Variants in GGPS1 observed in about 807,000 individuals in gnomAD.
The protein encoded by GGPS1 is geranylgeranyl diphosphate synthase 1, also known as geranylgeranyl pyrophosphate synthase.
GGPS1 carries 15 observed loss-of-function variants against 28.1 expected under a neutral mutation model. The observed-to-expected ratio is 0.53, with a 90% CI of 0.36 to 0.82. The LOEUF (loss-of-function observed/expected upper bound fraction) is 0.82. Ranked by LOEUF, GGPS1 falls within the 40% of genes least tolerant of loss-of-function variation. The pLI is 0.01. For missense variants in GGPS1, 284 were observed against 348.3 expected (o/e 0.82, Z 1.47); for synonymous variants, 138 against 122.4 (o/e 1.13, Z -0.84).
In GGPS1 at chr1:235,342,039, A is replaced by G. The variant is rs897943367; in HGVS notation, c.170A>G (p.His57Arg). The change falls in exon 4 of 4, where the codon CAT (histidine) becomes CGT (arginine). Residue 57 changes from histidine to arginine, a missense_variant. His to Arg is a conservative substitution (Grantham distance 29, BLOSUM62 0). Coordinates refer to ENST00000282841, the MANE Select transcript of GGPS1 (RefSeq NM_004837.4). ...QIIIEVTEML[H>R]NASLLIDDIE... ...ATTATTGAAGTGACAGAAATGTTGCATAATGCCAGTTTACTCATCGATGAT... is the reference window on the plus strand; with the variant it reads ...ATTATTGAAGTGACAGAAATGTTGCGTAATGCCAGTTTACTCATCGATGAT... 6.3e-7 allele frequency: 1 copy of G among 1,596,138 alleles called. No individual in the cohort carries two copies. Among genetic ancestry groups the G allele is most frequent in the Non-Finnish European group, 8.5e-7 (1 of 1,171,070 alleles).
intron 2 of GGPS1, 148 bp downstream of exon 2, chr1:235,335,482 A>G (rs1675836924): frequency 2.0e-6 from 1 of 506,576 alleles, no homozygotes; most frequent in Non-Finnish European, 3.5e-6. Context: ...ATAGAACATT[A>G]TAATTTTTTC....
At chr1:235,336,473 C>T (rs1675868492) in intron 2 of GGPS1, among the ~76,000 whole-genome samples, 2 of 152,012 alleles carry the variant, frequency 1.3e-5, no homozygotes, top group Admixed American at 6.5e-5. Context: ...AATAAAAAAT[C>T]ATTTGTATTA....
At chr1:235,336,671 A>G (rs559230194) in intron 2 of GGPS1, 1 of 152,338 alleles carries the variant, frequency 6.6e-6, no homozygotes, top group Admixed American at 6.5e-5. Flanking sequence ...AAAAGTTGGT[A>G]AATTATTTGA....
At chr1:235,337,405 G>A (rs139730129) in intron 2 of GGPS1, among the ~76,000 whole-genome samples, 436 of 151,984 alleles carry the variant, frequency 2.9e-3, no homozygotes, top group African/African-American at 8.8e-3. Flanking sequence ...ATTATCACTA[G>A]GTACCTCACC....
Position 235,342,694 on chromosome 1 carries a change from T to A in GGPS1, c.825T>A (p.Ile275=), listed in dbSNP as rs1280448247. Residue 275 remains isoleucine, a synonymous_variant, in exon 4 of 4, where the codon ATT becomes ATA. Transcript: ENST00000282841. ...KELEAKAYKQ[I]DARGGNPELV... is the part of the protein sequence containing the mutation. ...TTGAAGCTAAAGCCTATAAACAGAT[T>A]GATGCACGTGGTGGGAACCCTGAGC... The A allele has an allele frequency of 2.5e-6, 4 of 1,608,888 alleles. No individual in the cohort carries two copies. Among genetic ancestry groups the A allele is most frequent in the Non-Finnish European group, 3.4e-6 (4 of 1,176,042 alleles).
chr1:235,341,917 A>C (rs1302467442), intron 3 of GGPS1, 94 bp from the exon 4 acceptor site: 2 of 928,664 alleles, frequency 2.2e-6, no homozygotes, highest in Admixed American at 2.7e-5. Context: ...ATTAGTTGTG[A>C]AAATTAACAC....
chr1:235,341,798 T>C lies in GGPS1; in HGVS notation c.141+20T>C, dbSNP rs144045699. On this transcript the variant is annotated intron_variant, in intron 3 of 3. Transcript: ENST00000282841. ...CTACAGGTATTAGGCAACTCTAACC[T>C]CATTAATCCCCAAGAAATTAATAGC... The C allele has an allele frequency of 8.0e-6, 11 of 1,379,104 alleles. No homozygotes were observed. The East Asian group carries it at 2.3e-4, about 29-fold the overall frequency. The allele number at this position is 1,379,104 out of a possible 1,614,324, so 85.4% of individuals were successfully genotyped here.
intron 1 of GGPS1, among the ~76,000 whole-genome samples, chr1:235,333,769 T>A (rs1675788190): frequency 6.6e-6 from 1 of 152,200 alleles, no homozygotes; most frequent in Non-Finnish European, 1.5e-5. Flanking sequence ...TGAACAGCCC[T>A]AACCACAAAC....
At chr1:235,339,761 CAAAA>C (rs34043751) in intron 2 of GGPS1, among the ~76,000 whole-genome samples, 5 of 130,668 alleles carry the variant, frequency 3.8e-5, no homozygotes, top group Non-Finnish European at 8.1e-5. Context: ...ATTCCATCTC[CAAAA>C]AAAAAAAAAG....
At chr1:235,331,105 G>A (rs1675701090) in intron 1 of GGPS1, among the ~76,000 whole-genome samples, 1 of 152,076 alleles carries the variant, frequency 6.6e-6, no homozygotes, top group African/African-American at 2.4e-5. Context: ...TAACTAAATA[G>A]GTTTTTGCCT....
rs141445197 is a variant in GGPS1, at chr1:235,335,357, T to C, written c.70+23T>C. On this transcript the variant is annotated intron_variant, in intron 2 of 3. Coordinates refer to ENST00000282841, the MANE Select transcript of GGPS1 (RefSeq NM_004837.4). ...CAGGTAATACTTCACTTACAGTCCA[T>C]ATAGGGTCATTTTCATGCAGTAGTG... The C allele has an allele frequency of 1.9e-4, 208 of 1,101,308 alleles. No homozygotes were observed. The East Asian group carries it at 4.7e-3, about 25-fold the overall frequency. The allele number at this position is 1,101,308 out of a possible 1,614,324, so 68.2% of individuals were successfully genotyped here.
intron 2 of GGPS1, among the ~76,000 whole-genome samples, chr1:235,338,514 A>G (rs1020569124): frequency 6.6e-6 from 1 of 152,214 alleles, no homozygotes; most frequent in Non-Finnish European, 1.5e-5. Context: ...TATAACATTC[A>G]AAAGTAAAAT....
rs1676128067 is a variant in GGPS1 at position 235,343,781 on chromosome 1, G to A, written c.*1009G>A. The A allele has an allele frequency of 6.0e-6, 1 of 166,894 alleles. No individual in the cohort carries two copies. Among genetic ancestry groups the A allele is most frequent in the South Asian group, 2.1e-4 (1 of 4,824 alleles). 10.3% of individuals were successfully genotyped at this position (166,894 alleles called of 1,614,324 possible). On this transcript the variant is annotated 3_prime_UTR_variant, in exon 4 of 4. Coordinates refer to ENST00000282841, the MANE Select transcript of GGPS1 (RefSeq NM_004837.4). ...CCTTTCCAATTGGGAAGCGGAAAAA[G>A]AGAGTATGGGATATTTTAGAAGGGA...
In GGPS1 at chr1:235,342,599, A is replaced by G; in HGVS notation, c.730A>G (p.Lys244Glu). The G allele has an allele frequency of 1.9e-6, 3 of 1,611,708 alleles. No individual in the cohort carries two copies. The highest frequency in any genetic ancestry group is 2.5e-6 in the Non-Finnish European group (3 of 1,177,786). ...CCAGAGAACAGAAAACATAGATATA[A>G]AAAAATACTGTGTACATTATCTTGA... The part of the protein sequence containing the change: ...LRQRTENIDI[K>E]KYCVHYLEDV... The change falls in exon 4 of 4, where the codon AAA becomes GAA. Residue 244 changes from lysine to glutamate, a missense_variant. By Grantham distance (56) the Lys-to-Glu change is moderately conservative. Transcript: ENST00000282841.
intron 1 of GGPS1, among the ~76,000 whole-genome samples, chr1:235,332,457 C>T (rs1483032479): frequency 8.5e-5 from 13 of 152,162 alleles, no homozygotes; most frequent in Admixed American, 8.5e-4. Flanking sequence ...TTTCTTTATT[C>T]AGTCATCTGC....
At chr1:235,341,063 C>G (rs1209036940) in intron 2 of GGPS1, among the ~76,000 whole-genome samples, 1 of 152,162 alleles carries the variant, frequency 6.6e-6, no homozygotes, top group Non-Finnish European at 1.5e-5. Context: ...GGCGCAGTGG[C>G]TCACGCCTGT....
At chr1:235,335,823 T>C (rs1205629270) in intron 2 of GGPS1, among the ~76,000 whole-genome samples, 1 of 152,234 alleles carries the variant, frequency 6.6e-6, no homozygotes, top group Non-Finnish European at 1.5e-5. Flanking sequence ...ACTGTTTAGA[T>C]ATTAGGGGAA....
intron 1 of GGPS1, among the ~76,000 whole-genome samples, chr1:235,333,550 C>T (rs570839418): frequency 2.0e-4 from 30 of 146,706 alleles, no homozygotes; most frequent in South Asian, 1.1e-3. Flanking sequence ...GCCTGGGCAA[C>T]GAGCAAAACT....
chr1:235,340,519 G>A (rs1319805112), intron 2 of GGPS1, among the ~76,000 whole-genome samples: 2 of 150,640 alleles, frequency 1.3e-5, no homozygotes, highest in African/African-American at 2.4e-5. Flanking sequence ...GGCGGATCAC[G>A]AGGTCAGGAG....
Sources: allele counts gnomAD v4.1 joint callset (sites outside exome capture counted in the v4.1 genomes callset), GRCh38; gene constraint gnomAD v4.1.1; transcripts MANE v1.5; gene names NCBI Gene and HGNC (gene_info 2026-07-23, HGNC 2026-07-21).